EFCAB5: variants seen among roughly 807,000 people sequenced by gnomAD.
EFCAB5 encodes EF-hand calcium-binding domain-containing protein 5.
EFCAB5 carries 131 observed loss-of-function variants against 167.9 expected under a neutral mutation model. The ratio of observed to expected loss-of-function variants is 0.78; its 90% CI spans 0.68 to 0.90. EFCAB5 has a LOEUF of 0.90. Ranked by LOEUF, EFCAB5 falls within the 40% of genes least tolerant of loss-of-function variation. EFCAB5 has a pLI of 0.00. For synonymous variants in EFCAB5, 574 were observed against 602.8 expected, an observed-to-expected ratio of 0.95 and a Z score of 0.70; for missense variants, 1,663 against 1,745.2, an observed-to-expected ratio of 0.95 and a Z score of 0.84.
chr17:29,996,254 T>A, intron 5 of EFCAB5, 58 bp from the exon 6 acceptor site: 1 of 1,372,642 alleles, frequency 7.3e-7, no homozygotes, highest in Non-Finnish European at 1.0e-6. Flanking sequence ...ATAACAAATA[T>A]GTGGTAACTG....
upstream of EFCAB5, among the ~76,000 whole-genome samples, chr17:29,939,937 TC>T (rs1414477097): frequency 1.3e-5 from 2 of 152,244 alleles, no homozygotes; most frequent in Non-Finnish European, 2.9e-5. Flanking sequence ...TCTTTTACTA[TC>T]CAGCTTCCTT....
In EFCAB5 at chr17:30,023,981, AC is replaced by A. The variant is rs1479703709; in HGVS notation, c.1045-10246del. ...AAAAGGCCTTTGACAAAATTCAACAACCCTTCATGCTAAAAACTCTCAATAA... is the reference window on the plus strand; with the variant it reads ...AAAAGGCCTTTGACAAAATTCAACAACCTTCATGCTAAAAACTCTCAATAA... On this transcript the variant is annotated intron_variant, in intron 7 of 22. Coordinates refer to ENST00000394835, the MANE Select transcript of EFCAB5 (RefSeq NM_198529.4). Among the ~76,000 whole-genome samples the A allele has an allele frequency of 9.9e-5, 15 of 152,154 alleles. No individual in the cohort carries two copies. In the South Asian group the frequency reaches 1.7e-3, roughly 17 times the overall value.
At chr17:29,985,600 T>C (rs528352331) in intron 4 of EFCAB5, among the ~76,000 whole-genome samples, 1 of 152,282 alleles carries the variant, frequency 6.6e-6, no homozygotes, top group East Asian at 1.9e-4. Context: ...TTAACTAAAA[T>C]GGGAAACAAA....
chr17:30,067,849 G>A lies in EFCAB5; in HGVS notation c.2737+8148G>A, dbSNP rs372851894. On this transcript the variant is annotated intron_variant, in intron 14 of 22. Transcript: ENST00000394835. Reference sequence around the variant, plus strand: ...TGTCTTAGCCAGAGCAGTTAGGAAAGAGACAGAAATAAAGGGCATCCAAAT... The same window carrying A: ...TGTCTTAGCCAGAGCAGTTAGGAAAAAGACAGAAATAAAGGGCATCCAAAT... 3.4e-4 allele frequency among the ~76,000 whole-genome samples: 52 copies of A among 152,310 alleles called. No homozygotes were observed. The South Asian group carries it at 1.0e-2, about 29-fold the overall frequency.
chr17:29,958,387 C>G (rs1567678193), intron 3 of EFCAB5, among the ~76,000 whole-genome samples: 1 of 152,080 alleles, frequency 6.6e-6, no homozygotes, highest in Admixed American at 6.5e-5. Flanking sequence ...TCTTCAAGCT[C>G]ACTAATTCTT....
chr17:30,022,769 G>A (rs773144273), intron 7 of EFCAB5, among the ~76,000 whole-genome samples: 127 of 152,134 alleles, frequency 8.3e-4, no homozygotes, highest in Non-Finnish European at 1.5e-3. Context: ...ACTATATCAG[G>A]TTTGTTTTAA....
intron 4 of EFCAB5, among the ~76,000 whole-genome samples, chr17:29,970,035 T>C (rs183656259): frequency 6.6e-6 from 1 of 152,326 alleles, no homozygotes; most frequent in East Asian, 1.9e-4. Context: ...TTCAAAATAT[T>C]AAAAGAATTC....
intron 8 of EFCAB5, among the ~76,000 whole-genome samples, chr17:30,040,795 G>A (rs2069749287): frequency 6.6e-6 from 1 of 152,218 alleles, no homozygotes; most frequent in African/African-American, 2.4e-5. Flanking sequence ...AGTTCTTACA[G>A]TTTAGCCCAG....
intron 3 of EFCAB5, 44 bp downstream of exon 3, chr17:29,943,693 G>T: frequency 4.0e-6 from 6 of 1,517,140 alleles, no homozygotes; most frequent in Non-Finnish European, 5.3e-6. Context: ...TCTAAAACTG[G>T]CTGGGCGTGG....
chr17:29,964,124 C>CT (rs567743084), intron 3 of EFCAB5, among the ~76,000 whole-genome samples: 56 of 150,760 alleles, frequency 3.7e-4, no homozygotes, highest in African/African-American at 1.1e-3. Context: ...TCAGGTATTC[C>CT]TTTTTTTTTC....
intron 12 of EFCAB5, 63 bp downstream of exon 12, chr17:30,056,219 G>T: frequency 7.0e-7 from 1 of 1,425,338 alleles, no homozygotes; most frequent in East Asian, 2.4e-5. Flanking sequence ...AATTTACTGT[G>T]GTACTCGATG....
In EFCAB5 at chr17:29,996,657, T is replaced by G. The variant is rs372241491; in HGVS notation, c.973+297T>G. 4.7e-4 allele frequency among the ~76,000 whole-genome samples: 72 copies of G among 152,306 alleles called. 2 individuals are homozygous for G. The South Asian group carries it at 0.015, about 31-fold the overall frequency. Reference sequence around the variant, plus strand: ...TACATAGAATTTTAAAAGAAAGATATGATGTCATAACTGTGATGTAAACGA... The same window carrying G: ...TACATAGAATTTTAAAAGAAAGATAGGATGTCATAACTGTGATGTAAACGA... On this transcript the variant is annotated intron_variant, in intron 6 of 22. Transcript: ENST00000394835.
chr17:30,058,005 C>G, intron 13 of EFCAB5, 115 bp downstream of exon 13: 5 of 883,208 alleles, frequency 5.7e-6, no homozygotes, highest in Non-Finnish European at 8.5e-6. Flanking sequence ...AAACTGATCA[C>G]TTTCTTTCAA....
chr17:30,052,786 G>A (rs2070138556), intron 9 of EFCAB5, among the ~76,000 whole-genome samples: 1 of 152,252 alleles, frequency 6.6e-6, no homozygotes. Flanking sequence ...GAGGGAAAGA[G>A]ATAGGGGGAA....
chr17:30,078,637 C>A, intron 15 of EFCAB5, 133 bp downstream of exon 15: 1 of 1,135,586 alleles, frequency 8.8e-7, no homozygotes, highest in Non-Finnish European at 1.2e-6. Context: ...TTATTCATTC[C>A]AGTCCATTAC....
intron 7 of EFCAB5, among the ~76,000 whole-genome samples, chr17:30,022,982 C>T (rs1035968433): frequency 1.3e-5 from 2 of 151,502 alleles, no homozygotes; most frequent in Admixed American, 6.6e-5. Flanking sequence ...TTGAAACCAA[C>T]GAGAACAAAG....
At position 30,071,403 on chromosome 17, in the gene EFCAB5, G is replaced by A. The variant is rs190993896; in HGVS notation, c.2738-6812G>A. ...ATGGCCAACAGGTATTTGAAAAAAT[G>A]CTTAACATCACTAATCAGGGAAATA... On this transcript the variant is annotated intron_variant, in intron 14 of 22. Coordinates refer to ENST00000394835, the MANE Select transcript of EFCAB5 (RefSeq NM_198529.4). 3.1e-3 allele frequency among the ~76,000 whole-genome samples: 472 copies of A among 150,396 alleles called. 2 individuals carry two copies. Among genetic ancestry groups the A allele is most frequent in the African/African-American group, 0.011 (457 of 40,800 alleles).
chr17:29,937,509 T>G (rs2067255635), upstream of EFCAB5, among the ~76,000 whole-genome samples: 1 of 152,116 alleles, frequency 6.6e-6, no homozygotes, highest in Admixed American at 6.5e-5. Flanking sequence ...CTTTCAGATC[T>G]TTACCGGTTT....
intron 14 of EFCAB5, chr17:30,073,535 A>G (rs1254974188): frequency 1.7e-6 from 1 of 583,800 alleles, no homozygotes; most frequent in Non-Finnish European, 3.2e-6. Context: ...CATGTGGTCC[A>G]TTTTAAGTAA....
Sources: allele counts gnomAD v4.1 joint callset (sites outside exome capture counted in the v4.1 genomes callset), GRCh38; gene constraint gnomAD v4.1.1; transcripts MANE v1.5; gene names NCBI Gene and HGNC (gene_info 2026-07-23, HGNC 2026-07-21).